Variants in IL13RA1 observed in about 807,000 individuals in gnomAD.
The protein encoded by IL13RA1 is interleukin-13 receptor subunit alpha-1.
In IL13RA1, 14 loss-of-function variants were observed where a neutral mutation model predicts 33.8. That is an observed-to-expected ratio of 0.41 (90% CI 0.27 to 0.65). IL13RA1 has a LOEUF of 0.65. Among genes scored for constraint, IL13RA1 ranks in the 30% least tolerant of loss-of-function variants. IL13RA1 has a pLI of 0.28. For missense variants in IL13RA1, 313 were observed against 327.0 expected (o/e 0.96, Z 0.33); for synonymous variants, 116 against 115.7 (o/e 1.00, Z -0.02).
intron 9 of IL13RA1, among the ~76,000 whole-genome samples, chrX:118,775,390 G>A (rs1352115650): frequency 1.8e-5 from 2 of 111,167 alleles, no homozygotes; most frequent in Admixed American, 1.9e-4. Context: ...GAGGAGCATT[G>A]GAGAGTTTTG....
intron 8 of IL13RA1, chrX:118,769,742 A>C (rs1440802735): frequency 8.6e-6 from 1 of 116,100 alleles, no homozygotes; most frequent in Non-Finnish European, 1.8e-5. Context: ...CACCCAGTGC[A>C]CAGAGGGAGG....
At chrX:118,801,070 A>G in the IL13RA1 span, among the ~76,000 whole-genome samples, 1 of 112,666 alleles carries the variant, frequency 8.9e-6, no homozygotes, top group African/African-American at 3.2e-5. Context: ...GATTACAGGC[A>G]TGAGCCATTG....
intron 1 of IL13RA1, among the ~76,000 whole-genome samples, chrX:118,736,839 A>T (rs1603207410): frequency 8.9e-6 from 1 of 112,616 alleles, no homozygotes; most frequent in East Asian, 2.8e-4. Context: ...GCCAGGGCTG[A>T]TCTTTAACTG....
At chrX:118,763,477 T>G (rs1160230322) in intron 6 of IL13RA1, among the ~76,000 whole-genome samples, 1 of 112,587 alleles carries the variant, frequency 8.9e-6, no homozygotes, top group Non-Finnish European at 1.9e-5. Flanking sequence ...GTTGTAACGC[T>G]AAGACTTGGA....
chrX:118,740,161 T>A (rs2017326362), intron 1 of IL13RA1, among the ~76,000 whole-genome samples: 1 of 111,557 alleles, frequency 9.0e-6, no homozygotes, highest in South Asian at 3.7e-4. Context: ...AGATGGGATT[T>A]TGCTATGTTG....
chrX:118,746,316 T>C (rs1021023154), intron 2 of IL13RA1, among the ~76,000 whole-genome samples: 4 of 110,632 alleles, frequency 3.6e-5, no homozygotes, highest in African/African-American at 1.3e-4. Flanking sequence ...GGTTTTGCCA[T>C]TTTGCCCAGG....
chrX:118,768,836 G>A (rs1328632474), intron 8 of IL13RA1, among the ~76,000 whole-genome samples: 1 of 111,866 alleles, frequency 8.9e-6, no homozygotes, highest in Non-Finnish European at 1.9e-5. Flanking sequence ...GCCCTCAGAG[G>A]GAGCATAGCC....
chrX:118,765,868 C>T (rs1285470987), intron 6 of IL13RA1, among the ~76,000 whole-genome samples: 1 of 112,154 alleles, frequency 8.9e-6, no homozygotes, highest in Non-Finnish European at 1.9e-5. Context: ...TTTCTCATGA[C>T]CAGTGATGTT....
At chrX:118,800,570 C>T in the IL13RA1 span, among the ~76,000 whole-genome samples, 1 of 110,891 alleles carries the variant, frequency 9.0e-6, no homozygotes, top group African/African-American at 3.3e-5. Flanking sequence ...AGACTCCAGA[C>T]GCGCCACCTT....
At chrX:118,731,407 T>C (rs2017216292) in intron 1 of IL13RA1, among the ~76,000 whole-genome samples, 1 of 110,772 alleles carries the variant, frequency 9.0e-6, no homozygotes, top group African/African-American at 3.3e-5. Context: ...CGAAACCCAG[T>C]CTCTACTAAA....
rs1265011385 is a variant in IL13RA1 at position 118,770,812 on chromosome X, A to G, written c.1010-3067A>G. 5.6e-5 allele frequency: 17 copies of G among 302,959 alleles called. No individual in the cohort carries two copies. In the Middle Eastern group the frequency reaches 2.4e-3, roughly 43 times the overall value. The allele number at this position is 302,959 out of a possible 1,213,427, so 25.0% of individuals were successfully genotyped here. ...TGGCTTTGTCATGCTGGTCATCTAC[A>G]TTAGCTACCAGGACCTACCAGAAAG... On this transcript the variant is annotated intron_variant, in intron 8 of 10. Coordinates refer to ENST00000371666, the MANE Select transcript of IL13RA1 (RefSeq NM_001560.3).
intron 8 of IL13RA1, among the ~76,000 whole-genome samples, chrX:118,767,637 C>A (rs188879082): frequency 6.3e-5 from 7 of 111,181 alleles, no homozygotes; most frequent in Admixed American, 4.8e-4. Flanking sequence ...AAGAGTGGAG[C>A]CATTTAATAG....
chrX:118,759,686 T>A (rs1489226072), intron 5 of IL13RA1, among the ~76,000 whole-genome samples: 1 of 112,711 alleles, frequency 8.9e-6, no homozygotes, highest in Non-Finnish European at 1.9e-5. Context: ...TGTTTTCTGT[T>A]AATTACCCAT....
At chrX:118,804,649 G>T in the IL13RA1 span, among the ~76,000 whole-genome samples, 1 of 111,999 alleles carries the variant, frequency 8.9e-6, no homozygotes, top group East Asian at 2.8e-4. Context: ...TTAAAGCAAG[G>T]TGGAAAAATA....
At chrX:118,799,152 C>T (rs1159912780), downstream of IL13RA1, among the ~76,000 whole-genome samples, 8 of 113,322 alleles carry the variant, frequency 7.1e-5, no homozygotes, top group East Asian at 1.4e-3. Flanking sequence ...GGCCCACCGG[C>T]GCTGTGCTCG....
chrX:118,771,617 TG>T, intron 8 of IL13RA1, among the ~76,000 whole-genome samples: 2 of 112,456 alleles, frequency 1.8e-5, no homozygotes. Flanking sequence ...GTTGCAGGTT[TG>T]GTCTGGCACT....
chrX:118,770,763 G>T, intron 8 of IL13RA1: 1 of 341,376 alleles, frequency 2.9e-6, no homozygotes, highest in Non-Finnish European at 5.7e-6. Context: ...CCTATGTGGT[G>T]GTCAGCTCCC....
At chrX:118,760,062 A>T in intron 5 of IL13RA1, among the ~76,000 whole-genome samples, 1 of 112,417 alleles carries the variant, frequency 8.9e-6, no homozygotes. Context: ...GTGGTTATAA[A>T]CACACAACAT....
chrX:118,757,973 G>A, intron 4 of IL13RA1, 82 bp from the exon 5 acceptor site: 1 of 585,505 alleles, frequency 1.7e-6, no homozygotes, highest in Non-Finnish European at 2.7e-6. Flanking sequence ...TTACAGGTGT[G>A]AGCCACCGCG....
Sources: allele counts gnomAD v4.1 joint callset (sites outside exome capture counted in the v4.1 genomes callset), GRCh38; gene constraint gnomAD v4.1.1; transcripts MANE v1.5; gene names NCBI Gene and HGNC (gene_info 2026-07-23, HGNC 2026-07-21).